Variants in ZNF135 observed in about 807,000 individuals in gnomAD.
ZNF135 encodes the protein zinc finger protein 135 (clone pHZ-17).
Under a neutral mutation model 12.3 loss-of-function variants are expected in ZNF135, and 11 were observed. The observed-to-expected ratio is 0.89, with a 90% CI of 0.56 to 1.48. The LOEUF is 1.48. ZNF135 is among the 40% of genes most tolerant of loss of function. ZNF135 has a pLI of 0.00. For synonymous variants in ZNF135, 316 were observed against 312.0 expected, an observed-to-expected ratio of 1.01 and a Z score of -0.14; for missense variants, 722 against 815.7, an observed-to-expected ratio of 0.89 and a Z score of 1.40.
rs559751596 is a variant in ZNF135 at position 58,065,756 on chromosome 19, G to A, written c.257-985G>A. Among the ~76,000 whole-genome samples the A allele has an allele frequency of 1.5e-3, 226 of 152,244 alleles. No individual in the cohort carries two copies. Among genetic ancestry groups the A allele is most frequent in the Middle Eastern group, 6.8e-3 (2 of 294 alleles). ...CCTCCCATGTAATTGGAAACATACA[G>A]GTTATAGGGTTAGGATGTGGGCATC... On this transcript the variant is annotated intron_variant, in intron 4 of 4. Transcript: ENST00000313434. This position sits in a 1 kb window ranked among gnomAD's most constrained non-coding sequence, Gnocchi z 4.0.
rs1276621632 is a variant in ZNF135 at position 58,060,956 on chromosome 19, C to G, written c.34-624C>G. 6.6e-6 allele frequency among the ~76,000 whole-genome samples: 1 copy of G among 152,068 alleles called. No individual in the cohort carries two copies. Among genetic ancestry groups the G allele is most frequent in the African/African-American group, 2.4e-5 (1 of 41,408 alleles). ...CCTGGCGAACACGGTGAAACCCCGTCTCTACTAAAAATACAAAAAAAAATT... is the reference window on the plus strand; with the variant it reads ...CCTGGCGAACACGGTGAAACCCCGTGTCTACTAAAAATACAAAAAAAAATT... On this transcript the variant is annotated intron_variant, in intron 2 of 4. Coordinates refer to ENST00000313434, the MANE Select transcript of ZNF135 (RefSeq NM_001289401.2). This position sits in a 1 kb window ranked among gnomAD's most constrained non-coding sequence, Gnocchi z 4.9.
rs2074020540 is a variant in ZNF135 at position 58,063,667 on chromosome 19, A to C, written c.256+126A>C. On this transcript the variant is annotated intron_variant, in intron 4 of 4. Coordinates refer to ENST00000313434, the MANE Select transcript of ZNF135 (RefSeq NM_001289401.2). The surrounding 1 kb of genome is among the most constrained non-coding windows in gnomAD (Gnocchi z 4.4). The stretch of plus-strand genomic sequence containing the variant: ...ACTCAGTCTTAGTGAAGATTTACCA[A>C]GCACCCATTTTGCTGTGAGTGACGA... 2.7e-6 allele frequency: 4 copies of C among 1,465,406 alleles called. No individual in the cohort carries two copies. The highest frequency in any genetic ancestry group is 2.7e-6 in the Non-Finnish European group (3 of 1,105,244). The allele number at this position is 1,465,406 out of a possible 1,614,324, so 90.8% of individuals were successfully genotyped here. A position where few individuals can be genotyped will look rare whatever the true frequency, so the allele number is the denominator to read the frequency against.
At chr19:58,061,869 G>A (rs1313384826) in intron 3 of ZNF135, among the ~76,000 whole-genome samples, 163 bp downstream of exon 3, 2 of 152,182 alleles carry the variant, frequency 1.3e-5, no homozygotes, top group Admixed American at 6.6e-5. Context: ...TATCAATTAA[G>A]ACCAATATTA....
At chr19:58,064,847 G>A (rs770653971) in intron 4 of ZNF135, among the ~76,000 whole-genome samples, 36 of 152,152 alleles carry the variant, frequency 2.4e-4, no homozygotes, top group Non-Finnish European at 3.8e-4. Context: ...CCAAGATCAC[G>A]CCACTGTGCT....
At chr19:58,062,845 C>T (rs2074004557) in intron 3 of ZNF135, among the ~76,000 whole-genome samples, 4 of 152,034 alleles carry the variant, frequency 2.6e-5, no homozygotes, top group South Asian at 4.1e-4. Context: ...TGCATACCAC[C>T]ACACCTAGCT....
Position 58,067,882 on chromosome 19 carries a change from T to C in ZNF135, c.1398T>C (p.Tyr466=), listed in dbSNP as rs2074103104. Reference sequence around the variant, plus strand: ...GGACACACACAGGAGAGAAGCCCTATGAGTGCAGTCAGTGTGGGAAGGCCT... The same window carrying C: ...GGACACACACAGGAGAGAAGCCCTACGAGTGCAGTCAGTGTGGGAAGGCCT... ...HERTHTGEKP[Y]ECSQCGKAFR... is the part of the protein sequence containing the mutation. The change falls in exon 5 of 5, where the codon TAT becomes TAC. Residue 466 remains tyrosine (Y), a synonymous_variant. Coordinates refer to ENST00000313434, the MANE Select transcript of ZNF135 (RefSeq NM_001289401.2). 2 of 1,609,510 alleles carry C rather than the reference T, an allele frequency of 1.2e-6. No individual in the cohort carries two copies. The highest frequency in any genetic ancestry group is 1.1e-5 in the South Asian group (1 of 90,894).
chr19:58,061,585 A>G lies in ZNF135; in HGVS notation c.39A>G (p.Gln13=). The change falls in exon 3 of 5, where the codon CAA becomes CAG. Residue 13 remains glutamine (Q), a synonymous_variant. Coordinates refer to ENST00000313434, the MANE Select transcript of ZNF135 (RefSeq NM_001289401.2). ...PGVRVSTDPE[Q]VTFEDVVVGF... ...ACACTCGTGTGATGTTTCAGGAGCA[A>G]GTGACGTTTGAGGACGTGGTAGTGG... 1 of 1,612,556 alleles carries G rather than the reference A, an allele frequency of 6.2e-7. No individual in the cohort carries two copies. Among genetic ancestry groups the G allele is most frequent in the Non-Finnish European group, 8.5e-7 (1 of 1,179,348 alleles).
In ZNF135 at chr19:58,068,924, GA is replaced by G. The variant is rs773163690; in HGVS notation, c.*466del. The G allele has an allele frequency of 2.4e-5, 4 of 167,358 alleles. No homozygotes were observed. In the East Asian group the frequency reaches 6.4e-4, roughly 27 times the overall value. The allele number at this position is 167,358 out of a possible 1,614,324, so 10.4% of individuals were successfully genotyped here. A position where few individuals can be genotyped will look rare whatever the true frequency, so the allele number is the denominator to read the frequency against. ...TATTGCACATCACATTTTTGGGGGG[GA>G]AAGTGCTTATGAATGGTGCAGGTTG... On this transcript the variant is annotated 3_prime_UTR_variant, in exon 5 of 5. Coordinates refer to ENST00000313434, the MANE Select transcript of ZNF135 (RefSeq NM_001289401.2).
rs760843413 is a variant in ZNF135, at chr19:58,063,430, G to T, written c.161-16G>T. Reference sequence around the variant, plus strand: ...TGGGATACAAATGCTCACTCTATGGGTCTCTCCCTGAGCAGGACATTGGTT... The same window carrying T: ...TGGGATACAAATGCTCACTCTATGGTTCTCTCCCTGAGCAGGACATTGGTT... On this transcript the variant is annotated splice_polypyrimidine_tract_variant and intron_variant, in intron 3 of 4. Coordinates refer to ENST00000313434, the MANE Select transcript of ZNF135 (RefSeq NM_001289401.2). The surrounding 1 kb of genome is among the most constrained non-coding windows in gnomAD (Gnocchi z 4.4). 6 of 1,613,668 alleles carry T rather than the reference G, an allele frequency of 3.7e-6. No homozygotes were observed. The highest frequency in any genetic ancestry group is 1.1e-5 in the South Asian group (1 of 91,068).
At position 58,067,704 on chromosome 19, in the gene ZNF135, A is replaced by G. The variant is rs559981178; in HGVS notation, c.1220A>G (p.Glu407Gly). 3 of 1,614,038 alleles carry G rather than the reference A, an allele frequency of 1.9e-6. No individual in the cohort carries two copies. Among genetic ancestry groups the G allele is most frequent in the East Asian group, 4.5e-5 (2 of 44,862 alleles). Residue 407 changes from glutamate to glycine, a missense_variant, in exon 5 of 5, where the codon GAA becomes GGA. Glu to Gly is a moderately conservative substitution (Grantham distance 98). Coordinates refer to ENST00000313434, the MANE Select transcript of ZNF135 (RefSeq NM_001289401.2). Reference sequence around the variant, plus strand: ...CAGCACCAGAGGACCCACACAGGAGAAAAGCCCTATGAGTGTGGTGAGTGT... The same window carrying G: ...CAGCACCAGAGGACCCACACAGGAGGAAAGCCCTATGAGTGTGGTGAGTGT... ...LIQHQRTHTG[E>G]KPYECGECGK...
chr19:58,061,117 G>C (rs1599921405), intron 2 of ZNF135, among the ~76,000 whole-genome samples: 1 of 125,686 alleles, frequency 8.0e-6, no homozygotes, highest in South Asian at 2.7e-4. Flanking sequence ...GACAAAGCGA[G>C]ACTCCGTCTC....
rs779801747 is a variant in ZNF135 at position 58,060,034 on chromosome 19, C to T, written c.32C>T (p.Pro11Leu). Reference protein sequence around the residue: MTPGVRVSTDPEQVTFEDVVV... With the variant: MTPGVRVSTDLEQVTFEDVVV... ...CCTGGGGTGCGCGTCTCCACAGACC[C>T]GGTGAGAATCTCGGCCTCCTTGCGC... Residue 11 changes from proline to leucine, a missense_variant and splice_region_variant, in exon 2 of 5, where the codon CCG becomes CTG. Physicochemically the swap from Pro to Leu is moderately conservative, Grantham distance 98. Transcript: ENST00000313434. The surrounding 1 kb of genome is among the most constrained non-coding windows in gnomAD (Gnocchi z 4.9). 12 of 1,613,336 alleles carry T rather than the reference C, an allele frequency of 7.4e-6. No homozygotes were observed. Among genetic ancestry groups the T allele is most frequent in the East Asian group, 2.2e-5 (1 of 44,882 alleles).
intron 3 of ZNF135, among the ~76,000 whole-genome samples, chr19:58,062,713 A>C (rs1038729683): frequency 1.3e-5 from 2 of 151,390 alleles, no homozygotes; most frequent in African/African-American, 2.4e-5. Context: ...ATTTTTAAGA[A>C]ACAGGGTCTT....
intron 4 of ZNF135, among the ~76,000 whole-genome samples, chr19:58,064,707 C>G (rs1426816430): frequency 7.1e-6 from 1 of 140,870 alleles, no homozygotes; most frequent in Admixed American, 7.4e-5. Context: ...TGGTGAAACC[C>G]CGTCTCTACA....
chr19:58,060,363 C>A lies in ZNF135; in HGVS notation c.33+328C>A, dbSNP rs112639261. On this transcript the variant is annotated intron_variant, in intron 2 of 4. Transcript: ENST00000313434. This position sits in a 1 kb window ranked among gnomAD's most constrained non-coding sequence, Gnocchi z 4.9. ...TCCGCGCCAAGCTCCCCAACCACAG[C>A]CTGCCTCTGAAAGGACCGCCCACGC... 46 of 1,273,026 alleles carry A rather than the reference C, an allele frequency of 3.6e-5. No homozygotes were observed. In the African/African-American group the frequency reaches 5.1e-4, roughly 14 times the overall value. 78.9% of individuals were successfully genotyped at this position (1,273,026 alleles called of 1,614,324 possible).
rs149615463 is a variant in ZNF135 at position 58,067,604 on chromosome 19, C to T, written c.1120C>T (p.Arg374Ter). 4,467 of 1,613,852 alleles carry T rather than the reference C, an allele frequency of 2.8e-3. 10 individuals are homozygous for T. Among genetic ancestry groups the T allele is most frequent in the Non-Finnish European group, 3.5e-3 (4,140 of 1,179,944 alleles). ...CAGCTCATCCTTGACCAAACACCAGCGAATCCACACAGGGGAGAAGCCCTA... is the reference window on the plus strand; with the variant it reads ...CAGCTCATCCTTGACCAAACACCAGTGAATCCACACAGGGGAGAAGCCCTA... ...SHSSSLTKHQ[R>*]IHTGEKPYEC... Residue 374 changes from arginine to a stop codon, truncating the protein, a stop_gained, in exon 5 of 5, where the codon CGA (arginine) becomes TGA (stop). Coordinates refer to ENST00000313434, the MANE Select transcript of ZNF135 (RefSeq NM_001289401.2). LOFTEE classifies it low-confidence loss of function (END_TRUNC).
At position 58,060,315 on chromosome 19, in the gene ZNF135, C is replaced by T; in HGVS notation, c.33+280C>T. The T allele has an allele frequency of 2.2e-6, 3 of 1,353,290 alleles. No individual in the cohort carries two copies. Among genetic ancestry groups the T allele is most frequent in the Non-Finnish European group, 2.9e-6 (3 of 1,049,370 alleles). 83.8% of individuals were successfully genotyped at this position (1,353,290 alleles called of 1,614,324 possible). On this transcript the variant is annotated intron_variant, in intron 2 of 4. Coordinates refer to ENST00000313434, the MANE Select transcript of ZNF135 (RefSeq NM_001289401.2). This position sits in a 1 kb window ranked among gnomAD's most constrained non-coding sequence, Gnocchi z 4.9. ...AGCCTCTACTCGTGTCCGGCCTCTA[C>T]CTGCACACCCGGCCTCCTAAAGTCC...
rs1175014865 is a variant in ZNF135 at position 58,059,868 on chromosome 19, G to C, written c.-34-101G>C. ...TAAACGGGTACGCGGGGCCCTGGAC[G>C]GCTCTCCGCGGAGCTCCCCAGGCTC... On this transcript the variant is annotated intron_variant, in intron 1 of 4. Transcript: ENST00000313434. This position sits in a 1 kb window ranked among gnomAD's most constrained non-coding sequence, Gnocchi z 6.5. The C allele has an allele frequency of 3.1e-5, 44 of 1,417,576 alleles. No individual in the cohort carries two copies. In the Middle Eastern group the frequency reaches 6.9e-4, roughly 22 times the overall value. 87.8% of individuals were successfully genotyped at this position (1,417,576 alleles called of 1,614,324 possible).
rs751165750 is a variant in ZNF135, at chr19:58,059,839, C to T, written c.-34-130C>T. On this transcript the variant is annotated intron_variant, in intron 1 of 4. Coordinates refer to ENST00000313434, the MANE Select transcript of ZNF135 (RefSeq NM_001289401.2). The surrounding 1 kb of genome is among the most constrained non-coding windows in gnomAD (Gnocchi z 6.5). ...GGAGGGCCGCCCCACACACAGCAGG[C>T]GCTTAAACGGGTACGCGGGGCCCTG... 9.0e-6 allele frequency: 10 copies of T among 1,105,208 alleles called. No homozygotes were observed. Among genetic ancestry groups the T allele is most frequent in the Non-Finnish European group, 1.3e-5 (10 of 788,948 alleles). The allele number at this position is 1,105,208 out of a possible 1,614,324, so 68.5% of individuals were successfully genotyped here.
Sources: gnomAD v4.1 joint callset for allele counts (sites outside exome capture counted in the v4.1 genomes callset) on GRCh38, gnomAD v4.1.1 for gene constraint, Gnocchi (gnomAD v3.1) non-coding constraint, MANE v1.5 for transcripts, NCBI Gene and HGNC (gene_info 2026-07-23, HGNC 2026-07-21) for gene names.